The following GPC6 variants were observed in gnomAD, a reference collection of about 807,000 sequenced individuals.
GPC6 encodes glypican-6.
GPC6 carries 14 observed loss-of-function variants against 55.2 expected under a neutral mutation model. The ratio of observed to expected loss-of-function variants is 0.25; its 90% CI spans 0.17 to 0.40. The LOEUF (loss-of-function observed/expected upper bound fraction) is 0.40, where lower values mean the gene tolerates loss of function less well. Among genes scored for constraint, GPC6 ranks in the 10% least tolerant of loss-of-function variants. The pLI is 1.00. For missense variants in GPC6, 641 were observed against 708.5 expected, an observed-to-expected ratio of 0.90 and a Z score of 1.08; for synonymous variants, 278 against 259.6, an observed-to-expected ratio of 1.07 and a Z score of -0.68.
rs565897667 is a variant in GPC6 at position 93,307,752 on chromosome 13, C to A, written c.160+80136C>A. On this transcript the variant is annotated intron_variant, in intron 1 of 8. Coordinates refer to ENST00000377047, the MANE Select transcript of GPC6 (RefSeq NM_005708.5). Reference sequence around the variant, plus strand: ...AATACTTATTTTTATGACAAAAGATCTTTTGAGATCTATTGTAAAACTATG... The same window carrying A: ...AATACTTATTTTTATGACAAAAGATATTTTGAGATCTATTGTAAAACTATG... 1.6e-4 allele frequency among the ~76,000 whole-genome samples: 24 copies of A among 152,102 alleles called. No homozygotes were observed. In the South Asian group the frequency reaches 5.0e-3, roughly 32 times the overall value.
chr13:93,696,385 G>A lies in GPC6; in HGVS notation c.320-133769G>A, dbSNP rs577568947. ...TGAAATAATCCACATACTAAATAAA[G>A]ATAAGCAATGAAATTTAGCAATCCT... On this transcript the variant is annotated intron_variant, in intron 2 of 8. Transcript: ENST00000377047. Among the ~76,000 whole-genome samples, 163 of 152,112 alleles carry A rather than the reference G, an allele frequency of 1.1e-3. 2 individuals carry two copies. In the South Asian group the frequency reaches 0.017, roughly 16 times the overall value.
At chr13:93,339,317 C>T (rs1224664775) in intron 1 of GPC6, among the ~76,000 whole-genome samples, 1 of 151,058 alleles carries the variant, frequency 6.6e-6, no homozygotes, top group Non-Finnish European at 1.5e-5. Flanking sequence ...GAAAACCTCT[C>T]ATGATCATGG....
chr13:93,408,324 A>G (rs965542710), intron 1 of GPC6, among the ~76,000 whole-genome samples: 2 of 152,166 alleles, frequency 1.3e-5, no homozygotes, highest in South Asian at 4.1e-4. Flanking sequence ...AAGAGGTGAG[A>G]CATGATCTGG....
intron 4 of GPC6, among the ~76,000 whole-genome samples, chr13:94,189,469 G>A (rs17196064): frequency 0.085 from 12,948 of 152,096 alleles, 598 homozygotes; most frequent in Non-Finnish European, 0.1. Flanking sequence ...TGCTTTACTG[G>A]ACATCATAAA....
intron 4 of GPC6, among the ~76,000 whole-genome samples, chr13:94,078,660 T>G (rs890367679): frequency 8.6e-5 from 13 of 151,972 alleles, no homozygotes; most frequent in Admixed American, 8.5e-4. Context: ...ATGAATAAAT[T>G]TCTGGATACA....
intron 2 of GPC6, among the ~76,000 whole-genome samples, chr13:93,550,553 A>G (rs1227491523): frequency 6.6e-6 from 1 of 152,190 alleles, no homozygotes; most frequent in African/African-American, 2.4e-5. Flanking sequence ...ATTGAACTGG[A>G]TGCAGAAATA....
chr13:93,988,912 AAGAT>A (rs1259063274), intron 3 of GPC6, among the ~76,000 whole-genome samples: 29 of 152,294 alleles, frequency 1.9e-4, no homozygotes, highest in Admixed American at 3.9e-4. Flanking sequence ...GATGGACAGA[AAGAT>A]AGATAGATAC....
chr13:93,386,209 A>C (rs192764040), intron 1 of GPC6, among the ~76,000 whole-genome samples: 63 of 152,250 alleles, frequency 4.1e-4, no homozygotes, highest in Non-Finnish European at 7.3e-5. Context: ...TGTAGACGCT[A>C]TTAAGAGCTG....
At chr13:93,691,174 T>G (rs2138780561) in intron 2 of GPC6, among the ~76,000 whole-genome samples, 1 of 152,236 alleles carries the variant, frequency 6.6e-6, no homozygotes, top group East Asian at 1.9e-4. Context: ...ATTTACCTCT[T>G]GCAGTGAAAG....
intron 1 of GPC6, among the ~76,000 whole-genome samples, chr13:93,540,019 C>T (rs1189008188): frequency 6.6e-6 from 1 of 152,080 alleles, no homozygotes; most frequent in East Asian, 1.9e-4. Flanking sequence ...GGCACAGTAA[C>T]CTTGTTTTCT....
intron 2 of GPC6, among the ~76,000 whole-genome samples, chr13:93,604,568 T>C (rs1253774978): frequency 6.6e-6 from 1 of 152,184 alleles, no homozygotes; most frequent in Non-Finnish European, 1.5e-5. Flanking sequence ...GGTACCTTTT[T>C]TTTCTTGGCC....
intron 2 of GPC6, among the ~76,000 whole-genome samples, chr13:93,638,372 A>C (rs1180657409): frequency 6.6e-6 from 1 of 152,160 alleles, no homozygotes; most frequent in Non-Finnish European, 1.5e-5. Flanking sequence ...TAGACTGTTA[A>C]ATTTATATAT....
chr13:94,040,282 C>T (rs1883484656), intron 4 of GPC6, among the ~76,000 whole-genome samples: 1 of 151,848 alleles, frequency 6.6e-6, no homozygotes, highest in African/African-American at 2.4e-5. Flanking sequence ...ATTGCATGTC[C>T]TGTGGCATGA....
intron 3 of GPC6, among the ~76,000 whole-genome samples, chr13:93,976,491 C>G (rs1248651813): frequency 6.6e-6 from 1 of 151,620 alleles, no homozygotes; most frequent in East Asian, 2.0e-4. Flanking sequence ...ATACGAGGAC[C>G]TAAAAAAGTG....
intron 3 of GPC6, among the ~76,000 whole-genome samples, chr13:93,913,909 T>C (rs1223406441): frequency 5.9e-5 from 9 of 151,294 alleles, no homozygotes; most frequent in African/African-American, 1.7e-4. Context: ...ACTCCACTGT[T>C]TCTCAGTTTT....
At chr13:94,316,716 CAAAA>C (rs56304226) in intron 6 of GPC6, among the ~76,000 whole-genome samples, 6 of 105,066 alleles carry the variant, frequency 5.7e-5, no homozygotes, top group Non-Finnish European at 6.0e-5. Flanking sequence ...GACTCCGTCT[CAAAA>C]AAAAAAAAAA....
chr13:93,789,666 G>T (rs1200613133), intron 2 of GPC6, among the ~76,000 whole-genome samples: 1 of 123,156 alleles, frequency 8.1e-6, no homozygotes, highest in Non-Finnish European at 1.7e-5. Flanking sequence ...AAATGTTGAT[G>T]TAGGCAGAAA....
intron 3 of GPC6, among the ~76,000 whole-genome samples, chr13:93,832,044 C>G (rs377587420): frequency 3.3e-5 from 4 of 121,470 alleles, no homozygotes; most frequent in Admixed American, 1.0e-4. Flanking sequence ...GAGCTGAGAT[C>G]GAGCCTCTGC....
chr13:93,218,114 CT>C, the GPC6 span, among the ~76,000 whole-genome samples: 29 of 144,968 alleles, frequency 2.0e-4, 1 homozygote, highest in Middle Eastern at 3.5e-3. Context: ...CTAGCTCAGA[CT>C]TTTTTTTTTT....
Sources: gnomAD v4.1 joint callset for allele counts (sites outside exome capture counted in the v4.1 genomes callset) on GRCh38, gnomAD v4.1.1 for gene constraint, MANE v1.5 for transcripts, NCBI Gene and HGNC (gene_info 2026-07-23, HGNC 2026-07-21) for gene names.